Variants in PCDH11X observed in about 807,000 individuals in gnomAD.
The protein encoded by PCDH11X is protocadherin 11 X-linked, also known as protocadherin-11 X-linked.
In PCDH11X, 18 loss-of-function variants were observed where a neutral mutation model predicts 53.3. The observed-to-expected ratio is 0.34, with a 90% CI of 0.23 to 0.50. The LOEUF is 0.50. PCDH11X is among the 20% of genes least tolerant of loss of function. The pLI is 0.98. For synonymous variants in PCDH11X, 279 were observed against 393.3 expected (o/e 0.71, Z 3.44); for missense variants, 570 against 1,032.4 (o/e 0.55, Z 6.14).
At chrX:92,426,122 T>A (rs2072105394) in intron 9 of PCDH11X, among the ~76,000 whole-genome samples, 1 of 101,830 alleles carries the variant, frequency 9.8e-6, no homozygotes, top group African/African-American at 3.6e-5. Context: ...CAAACATAGA[T>A]TGCATTTGGA....
chrX:92,048,622 CTT>C (rs985318106), intron 6 of PCDH11X, among the ~76,000 whole-genome samples: 2 of 111,643 alleles, frequency 1.8e-5, no homozygotes, highest in Non-Finnish European at 3.8e-5. Context: ...AAGTAACACT[CTT>C]TGGTTGAAAG....
chrX:92,396,547 A>C (rs1458971091), intron 9 of PCDH11X, among the ~76,000 whole-genome samples: 1 of 101,048 alleles, frequency 9.9e-6, no homozygotes, highest in Non-Finnish European at 2.0e-5. Flanking sequence ...GTCCTATAAA[A>C]GTTATCCTGC....
intron 6 of PCDH11X, among the ~76,000 whole-genome samples, chrX:92,132,681 A>ATATG (rs1569376826): frequency 3.8e-4 from 25 of 66,219 alleles, no homozygotes; most frequent in African/African-American, 1.6e-3. Context: ...ATATGTATAT[A>ATATG]TATATGTATA....
intron 6 of PCDH11X, among the ~76,000 whole-genome samples, chrX:92,004,393 T>C (rs2147967417): frequency 9.0e-6 from 1 of 111,089 alleles, no homozygotes; most frequent in Non-Finnish European, 1.9e-5. Flanking sequence ...ATCTATTAGG[T>C]CCATTTGGTC....
In PCDH11X at chrX:92,494,698, C is replaced by T. The variant is rs780691513; in HGVS notation, c.3367+26376C>T. ...GCTATGTCCTCTTTTTGAAATAAGGCAATAAGGCATCAGGGGCTGAATAGT... is the reference window on the plus strand; with the variant it reads ...GCTATGTCCTCTTTTTGAAATAAGGTAATAAGGCATCAGGGGCTGAATAGT... On this transcript the variant is annotated intron_variant, in intron 10 of 10. Transcript: ENST00000682573. Among the ~76,000 whole-genome samples the T allele has an allele frequency of 2.8e-5, 3 of 108,096 alleles. No homozygotes were observed. In the South Asian group the frequency reaches 1.2e-3, roughly 45 times the overall value. 93.9% of individuals were successfully genotyped at this position (108,096 alleles called of 115,157 possible).
intron 10 of PCDH11X, among the ~76,000 whole-genome samples, chrX:92,597,590 A>C (rs141429384): frequency 3.2e-3 from 359 of 111,875 alleles, no homozygotes; most frequent in Non-Finnish European, 5.2e-3. Flanking sequence ...ATTTTTTTAA[A>C]TGTCCATATT....
At chrX:92,371,204 C>A (rs1226248984) in intron 8 of PCDH11X, among the ~76,000 whole-genome samples, 1 of 108,268 alleles carries the variant, frequency 9.2e-6, no homozygotes, top group Non-Finnish European at 1.9e-5. Flanking sequence ...GGTGTTTAAT[C>A]CATTTAAATT....
chrX:92,066,665 T>G (rs1219048660), intron 6 of PCDH11X, among the ~76,000 whole-genome samples: 2 of 112,390 alleles, frequency 1.8e-5, no homozygotes, highest in African/African-American at 6.5e-5. Flanking sequence ...GAAATACTTC[T>G]GATTTTTTTG....
At position 92,170,108 on chromosome X, in the gene PCDH11X, TTCTC is replaced by T. The variant is rs1336844557; in HGVS notation, c.3034-31263_3034-31260del. Among the ~76,000 whole-genome samples, 923 of 110,867 alleles carry T rather than the reference TTCTC, an allele frequency of 8.3e-3. 12 individuals are homozygous for T. The highest frequency in any genetic ancestry group is 0.029 in the African/African-American group (878 of 30,519). ...GGAGATAGAAATAAAATAAAAATAC[TTCTC>T]TCTATTTTTCATTACCATAAGCCTA... On this transcript the variant is annotated intron_variant, in intron 6 of 10. Transcript: ENST00000682573.
At chrX:92,148,129 TCTTTTTCCTTCC>T in intron 6 of PCDH11X, among the ~76,000 whole-genome samples, 1 of 9,540 alleles carries the variant, frequency 1.0e-4, no homozygotes, top group African/African-American at 3.8e-4. Flanking sequence ...TTTCTTTCTT[TCTTTTTCCTTCC>T]TTCCTTCCTT....
intron 8 of PCDH11X, among the ~76,000 whole-genome samples, chrX:92,375,166 A>ATTTTTTTTTTT (rs1230279822): frequency 1.2e-4 from 1 of 8,263 alleles, no homozygotes; most frequent in African/African-American, 6.2e-4. Context: ...ATATATATAT[A>ATTTTTTTTTTT]TTTTTTTTTT....
intron 7 of PCDH11X, among the ~76,000 whole-genome samples, chrX:92,203,543 C>T (rs1363578938): frequency 8.9e-6 from 1 of 112,235 alleles, no homozygotes; most frequent in Non-Finnish European, 1.9e-5. Flanking sequence ...CGTAACCTCC[C>T]AATGGGTTCT....
At chrX:92,282,070 G>A (rs2148445684) in intron 8 of PCDH11X, among the ~76,000 whole-genome samples, 1 of 111,014 alleles carries the variant, frequency 9.0e-6, no homozygotes, top group Non-Finnish European at 1.9e-5. Flanking sequence ...AAGAGGAGCA[G>A]AGGAGGGAGG....
At chrX:92,422,269 G>C (rs2071988984) in intron 9 of PCDH11X, among the ~76,000 whole-genome samples, 2 of 108,496 alleles carry the variant, frequency 1.8e-5, no homozygotes, top group Non-Finnish European at 3.8e-5. Context: ...CACCCCAGCA[G>C]TGTACACTGT....
rs1939679316 is a variant in PCDH11X, at chrX:91,877,555, G to T, written c.1315G>T (p.Ala439Ser). ...TKEYAIKLLA[A>S]DAGKPPLNQS... Reference sequence around the variant, plus strand: ...AGAATATGCCATTAAATTACTGGCTGCAGATGCTGGCAAACCTCCTTTGAA... The same window carrying T: ...AGAATATGCCATTAAATTACTGGCTTCAGATGCTGGCAAACCTCCTTTGAA... Residue 439 changes from alanine to serine, a missense_variant, in exon 6 of 11, where the codon GCA becomes TCA. Ala to Ser is a moderately conservative substitution (Grantham distance 99, BLOSUM62 1). This residue lies in a region of PCDH11X where 226 missense variants were observed against 457.5 expected (regional missense o/e 0.49). Coordinates refer to ENST00000682573, the MANE Select transcript of PCDH11X (RefSeq NM_032968.5). 8.3e-7 allele frequency: 1 copy of T among 1,207,989 alleles called. No individual in the cohort carries two copies. The highest frequency in any genetic ancestry group is 1.8e-5 in the African/African-American group (1 of 56,546).
At chrX:92,617,118 G>A (rs1294775922) in intron 10 of PCDH11X, among the ~76,000 whole-genome samples, 1 of 111,032 alleles carries the variant, frequency 9.0e-6, no homozygotes, top group Non-Finnish European at 1.9e-5. Flanking sequence ...TGATTTTTGG[G>A]GAAAAGTATT....
chrX:92,411,722 T>G (rs2071652777), intron 9 of PCDH11X, among the ~76,000 whole-genome samples: 1 of 107,194 alleles, frequency 9.3e-6, no homozygotes, highest in Admixed American at 1.0e-4. Flanking sequence ...CTTTTGTAAA[T>G]AGTGTTGCAC....
At chrX:92,441,193 G>A (rs1030987656) in intron 9 of PCDH11X, among the ~76,000 whole-genome samples, 10 of 107,269 alleles carry the variant, frequency 9.3e-5, no homozygotes, top group Non-Finnish European at 1.9e-4. Flanking sequence ...AGTTTTATAA[G>A]GAAAGCAGAG....
intron 10 of PCDH11X, among the ~76,000 whole-genome samples, chrX:92,518,419 A>G (rs1195803200): frequency 1.8e-5 from 2 of 111,931 alleles, no homozygotes; most frequent in Non-Finnish European, 3.8e-5. Context: ...GTATATATAT[A>G]CATACTCTGT....
Sources: gnomAD v4.1 joint callset for allele counts (sites outside exome capture counted in the v4.1 genomes callset) on GRCh38, gnomAD v4.1.1 for gene constraint, gnomAD v4.1.1 regional missense constraint, MANE v1.5 for transcripts, NCBI Gene and HGNC (gene_info 2026-07-23, HGNC 2026-07-21) for gene names.